Variants in GABRB2 observed in about 807,000 individuals in gnomAD.
The protein encoded by GABRB2 is gamma-aminobutyric acid type A receptor subunit beta2, also known as gamma-aminobutyric acid receptor subunit beta-2.
In GABRB2, 16 loss-of-function variants were observed where a neutral mutation model predicts 54.7. The ratio of observed to expected loss-of-function variants is 0.29; its 90% CI spans 0.20 to 0.44. GABRB2 has a LOEUF of 0.44. GABRB2 is among the 20% of genes least tolerant of loss of function. GABRB2 has a pLI of 1.00. For synonymous variants in GABRB2, 244 were observed against 233.8 expected (o/e 1.04, Z -0.40); for missense variants, 355 against 644.0 (o/e 0.55, Z 4.86).
At chr5:161,398,113 A>T (rs1756061998) in intron 5 of GABRB2, among the ~76,000 whole-genome samples, 3 of 152,164 alleles carry the variant, frequency 2.0e-5, no homozygotes, top group Non-Finnish European at 4.4e-5. Context: ...AGTACCGAAT[A>T]TATTTGTTTA....
chr5:161,395,211 A>G (rs1467542674), intron 5 of GABRB2, among the ~76,000 whole-genome samples: 1 of 152,140 alleles, frequency 6.6e-6, no homozygotes, highest in African/African-American at 2.4e-5. Context: ...GGATGGATAT[A>G]CTTTATATTC....
intron 3 of GABRB2, among the ~76,000 whole-genome samples, chr5:161,528,824 C>T (rs1581061011): frequency 6.6e-6 from 1 of 151,644 alleles, no homozygotes. Flanking sequence ...CTTTTTTGAA[C>T]AACAGATTAT....
intron 5 of GABRB2, among the ~76,000 whole-genome samples, chr5:161,404,599 A>C (rs1285205604): frequency 1.3e-5 from 2 of 152,126 alleles, no homozygotes; most frequent in South Asian, 2.1e-4. Flanking sequence ...GAAAAATATT[A>C]GAGTTTTAGC....
chr5:161,388,781 C>A (rs1174317772), intron 5 of GABRB2, among the ~76,000 whole-genome samples: 1 of 151,860 alleles, frequency 6.6e-6, no homozygotes, highest in East Asian at 1.9e-4. Context: ...TAGCCTTCCT[C>A]ATATTCTAAT....
chr5:161,378,556 G>T (rs1755375156), intron 5 of GABRB2, among the ~76,000 whole-genome samples: 1 of 152,040 alleles, frequency 6.6e-6, no homozygotes, highest in African/African-American at 2.4e-5. Flanking sequence ...TTTATCAACT[G>T]GTCATTTCTG....
At chr5:161,537,356 T>TG (rs1760670721) in intron 3 of GABRB2, among the ~76,000 whole-genome samples, 2 of 152,190 alleles carry the variant, frequency 1.3e-5, no homozygotes, top group African/African-American at 2.4e-5. Context: ...CACCTATATT[T>TG]TCCAATCGCC....
intron 6 of GABRB2, 42 bp from the exon 7 acceptor site, chr5:161,334,946 T>G (rs1561612151): frequency 1.9e-6 from 3 of 1,590,680 alleles, no homozygotes; most frequent in African/African-American, 1.3e-5. Context: ...TCAATCAATA[T>G]TTATAGGATA....
At chr5:161,295,762 TAATAATTGACCA>T (rs202077094) in intron 9 of GABRB2, among the ~76,000 whole-genome samples, 1,587 of 152,324 alleles carry the variant, frequency 0.01, 28 homozygotes, top group African/African-American at 0.035. Context: ...TGCTGGGACA[TAATAATTGACCA>T]ATTAATCTCT....
intron 7 of GABRB2, among the ~76,000 whole-genome samples, chr5:161,332,544 A>G (rs1194550971): frequency 6.6e-6 from 1 of 152,200 alleles, no homozygotes; most frequent in Admixed American, 6.5e-5. Flanking sequence ...AGGTAAATGC[A>G]CTGAAAGTCC....
chr5:161,519,420 T>C (rs1361509768), intron 3 of GABRB2, among the ~76,000 whole-genome samples: 1 of 152,198 alleles, frequency 6.6e-6, no homozygotes, highest in East Asian at 1.9e-4. Context: ...AAGAAGGCTT[T>C]ATGAAGCTCT....
chr5:161,352,817 T>C (rs1021212578), intron 5 of GABRB2, among the ~76,000 whole-genome samples: 10 of 152,048 alleles, frequency 6.6e-5, no homozygotes, highest in African/African-American at 2.2e-4. Context: ...ATTTTACATA[T>C]ATATAATTTT....
At chr5:161,355,144 C>G (rs955194195) in intron 5 of GABRB2, among the ~76,000 whole-genome samples, 1 of 151,558 alleles carries the variant, frequency 6.6e-6, no homozygotes, top group Non-Finnish European at 1.5e-5. Context: ...ATAATATTTC[C>G]TTGGTTGATT....
intron 5 of GABRB2, among the ~76,000 whole-genome samples, chr5:161,346,672 A>G (rs552015866): frequency 1.3e-5 from 2 of 152,248 alleles, no homozygotes; most frequent in East Asian, 3.9e-4. Context: ...GGTCTAAAAG[A>G]GTTATTAGTC....
chr5:161,452,695 T>A (rs1162933627), intron 4 of GABRB2, among the ~76,000 whole-genome samples: 1 of 152,092 alleles, frequency 6.6e-6, no homozygotes, highest in Admixed American at 6.6e-5. Context: ...ACCTAAAATT[T>A]TTTTTTTTTA....
intron 5 of GABRB2, among the ~76,000 whole-genome samples, chr5:161,351,324 T>C (rs1295502885): frequency 6.6e-6 from 1 of 151,968 alleles, no homozygotes; most frequent in Non-Finnish European, 1.5e-5. Flanking sequence ...GTAATCAAAA[T>C]AGCATGGTAC....
At chr5:161,313,918 T>TC (rs1392487986) in intron 9 of GABRB2, among the ~76,000 whole-genome samples, 6 of 152,210 alleles carry the variant, frequency 3.9e-5, no homozygotes, top group African/African-American at 1.4e-4. Flanking sequence ...TGGCTTGGTC[T>TC]CCAAGAGGAT....
intron 5 of GABRB2, among the ~76,000 whole-genome samples, chr5:161,383,192 G>A (rs1202700222): frequency 6.6e-6 from 1 of 152,048 alleles, no homozygotes; most frequent in Non-Finnish European, 1.5e-5. Flanking sequence ...TAACCATGCT[G>A]TACATTAGGT....
intron 5 of GABRB2, among the ~76,000 whole-genome samples, chr5:161,399,117 G>A (rs990439345): frequency 3.9e-5 from 6 of 152,294 alleles, no homozygotes; most frequent in African/African-American, 1.4e-4. Context: ...GCCAAGCAAA[G>A]AAATGTCCAC....
At chr5:161,383,726 T>C (rs889578559) in intron 5 of GABRB2, among the ~76,000 whole-genome samples, 2 of 152,062 alleles carry the variant, frequency 1.3e-5, no homozygotes, top group Non-Finnish European at 2.9e-5. Flanking sequence ...CCAACCCTCT[T>C]CCCCCACCAT....
Sources: gnomAD v4.1 joint callset for allele counts (sites outside exome capture counted in the v4.1 genomes callset) on GRCh38, gnomAD v4.1.1 for gene constraint, MANE v1.5 for transcripts, NCBI Gene and HGNC (gene_info 2026-07-23, HGNC 2026-07-21) for gene names.